The following PPARGC1A variants were observed in gnomAD, a reference collection of about 807,000 sequenced individuals.
PPARGC1A encodes the protein peroxisome proliferator-activated receptor gamma coactivator 1-alpha.
PPARGC1A carries 25 observed loss-of-function variants against 88.7 expected under a neutral mutation model. The ratio of observed to expected loss-of-function variants is 0.28; its 90% CI spans 0.21 to 0.39. The LOEUF (loss-of-function observed/expected upper bound fraction) is 0.39. Ranked by LOEUF, PPARGC1A falls within the 10% of genes least tolerant of loss-of-function variation. PPARGC1A has a pLI of 1.00. For missense variants in PPARGC1A, 880 were observed against 968.7 expected (o/e 0.91, Z 1.22); for synonymous variants, 363 against 355.6 (o/e 1.02, Z -0.24).
At chr4:24,159,825 T>A in the PPARGC1A span, among the ~76,000 whole-genome samples, 1 of 152,304 alleles carries the variant, frequency 6.6e-6, no homozygotes, top group South Asian at 2.1e-4. Context: ...GAATTTGAGG[T>A]CTGGCTTTTG....
the PPARGC1A span, among the ~76,000 whole-genome samples, chr4:24,169,341 C>G: frequency 1.3e-5 from 2 of 152,014 alleles, no homozygotes; most frequent in Non-Finnish European, 2.9e-5. Context: ...TGGATGGGAT[C>G]CCAGAACAGA....
At chr4:24,470,864 C>G in the PPARGC1A span, among the ~76,000 whole-genome samples, 335 of 151,954 alleles carry the variant, frequency 2.2e-3, 2 homozygotes, top group African/African-American at 7.4e-3. This position sits in a 1 kb window ranked among gnomAD's most constrained non-coding sequence, Gnocchi z 5.8. Context: ...GAGCCCACGC[C>G]GGAGAGGTCT....
intron 2 of PPARGC1A, among the ~76,000 whole-genome samples, chr4:23,870,230 G>T (rs529235564): frequency 1.1e-4 from 16 of 152,288 alleles, no homozygotes; most frequent in African/African-American, 3.6e-4. Flanking sequence ...AACTTAACTT[G>T]CTTAAGCACC....
the PPARGC1A span, among the ~76,000 whole-genome samples, chr4:24,239,183 T>A: frequency 6.6e-6 from 1 of 152,216 alleles, no homozygotes; most frequent in Admixed American, 6.5e-5. Flanking sequence ...AGTTATTTAT[T>A]GAGCATCTAC....
the PPARGC1A span, among the ~76,000 whole-genome samples, chr4:24,052,854 ATTTTTTTTTTTTTTT>A: frequency 1.5e-5 from 1 of 65,790 alleles, no homozygotes; most frequent in African/African-American, 6.6e-5. Flanking sequence ...GCGTACGCAG[ATTTTTTTTTTTTTTT>A]TTTTTTTTTT....
At chr4:24,388,674 A>G in the PPARGC1A span, among the ~76,000 whole-genome samples, 2 of 152,228 alleles carry the variant, frequency 1.3e-5, no homozygotes, top group Non-Finnish European at 2.9e-5. Flanking sequence ...TTGCAAGGAC[A>G]TGGATGAATC....
chr4:23,839,781 C>A (rs1404451476), intron 2 of PPARGC1A, among the ~76,000 whole-genome samples: 1 of 142,860 alleles, frequency 7.0e-6, no homozygotes, highest in African/African-American at 2.7e-5. Flanking sequence ...TCACATCTTA[C>A]GTGGATGGTG....
chr4:24,175,910 C>T, the PPARGC1A span, among the ~76,000 whole-genome samples: 1 of 152,116 alleles, frequency 6.6e-6, no homozygotes, highest in South Asian at 2.1e-4. Flanking sequence ...CCTCTCACCT[C>T]ACAGGCCCTT....
chr4:24,346,802 C>G, the PPARGC1A span, among the ~76,000 whole-genome samples: 1 of 151,734 alleles, frequency 6.6e-6, no homozygotes, highest in African/African-American at 2.4e-5. Flanking sequence ...TATTTCCTTT[C>G]TTCTGCTGGG....
chr4:24,111,360 C>T, the PPARGC1A span, among the ~76,000 whole-genome samples: 1 of 152,164 alleles, frequency 6.6e-6, no homozygotes, highest in African/African-American at 2.4e-5. Flanking sequence ...GTAGGTCATA[C>T]ATTATATACA....
At chr4:24,263,456 T>TACACACACAC in the PPARGC1A span, among the ~76,000 whole-genome samples, 2,230 of 150,158 alleles carry the variant, frequency 0.015, 56 homozygotes, top group African/African-American at 0.051. Flanking sequence ...TGTGGGTGTA[T>TACACACACAC]ACACACACAC....
At chr4:24,383,355 A>G in the PPARGC1A span, among the ~76,000 whole-genome samples, 8 of 152,186 alleles carry the variant, frequency 5.3e-5, no homozygotes, top group African/African-American at 1.9e-4. Flanking sequence ...GCAAGGGAAA[A>G]AAGCTGGACG....
chr4:24,436,903 T>C, the PPARGC1A span, among the ~76,000 whole-genome samples: 31 of 108,020 alleles, frequency 2.9e-4, no homozygotes, highest in East Asian at 1.6e-3. Flanking sequence ...GCCCAGGTCG[T>C]AGAGCTGACA....
At chr4:23,990,581 G>T in the PPARGC1A span, among the ~76,000 whole-genome samples, 1 of 152,076 alleles carries the variant, frequency 6.6e-6, no homozygotes, top group Non-Finnish European at 1.5e-5. Context: ...AGCCACTCTG[G>T]AGACTGAGTT....
At chr4:24,321,991 A>T in the PPARGC1A span, among the ~76,000 whole-genome samples, 1 of 152,242 alleles carries the variant, frequency 6.6e-6, no homozygotes, top group African/African-American at 2.4e-5. Context: ...TTCTTCTAAA[A>T]TAGATCATGG....
At chr4:23,843,675 T>C (rs557671808) in intron 2 of PPARGC1A, among the ~76,000 whole-genome samples, 73 of 152,126 alleles carry the variant, frequency 4.8e-4, no homozygotes, top group African/African-American at 1.8e-3. Flanking sequence ...ATTGTAAGGA[T>C]GGTACCAAAA....
the PPARGC1A span, among the ~76,000 whole-genome samples, chr4:24,339,761 C>CGAG: frequency 6.6e-6 from 1 of 152,170 alleles, no homozygotes; most frequent in East Asian, 1.9e-4. Flanking sequence ...TTTTTTCAGA[C>CGAG]GGAGTCTAGC....
the PPARGC1A span, among the ~76,000 whole-genome samples, chr4:23,953,404 A>G: frequency 1.3e-5 from 2 of 152,146 alleles, no homozygotes; most frequent in Non-Finnish European, 2.9e-5. Flanking sequence ...AGGTATTACT[A>G]TGTTACAGAA....
At chr4:24,049,410 A>C in the PPARGC1A span, among the ~76,000 whole-genome samples, 1 of 148,030 alleles carries the variant, frequency 6.8e-6, no homozygotes, top group Non-Finnish European at 1.5e-5. Flanking sequence ...ATTCTGAAAA[A>C]GTTAAAAAAA....
Sources: allele counts gnomAD v4.1 joint callset (sites outside exome capture counted in the v4.1 genomes callset), GRCh38; gene constraint gnomAD v4.1.1; non-coding constraint Gnocchi (gnomAD v3.1); transcripts MANE v1.5; gene names NCBI Gene and HGNC (gene_info 2026-07-23, HGNC 2026-07-21).